The following FAM47E variants were observed in gnomAD, a reference collection of about 807,000 sequenced individuals.
The protein encoded by FAM47E is family with sequence similarity 47 member E.
A neutral mutation model predicts 41.6 loss-of-function variants in FAM47E; 32 were observed. That is an observed-to-expected ratio of 0.77 (90% CI 0.58 to 1.03). The LOEUF (loss-of-function observed/expected upper bound fraction) is 1.03. Ranked by LOEUF, FAM47E falls within the 50% of genes least tolerant of loss-of-function variation. The pLI, the probability that FAM47E is intolerant of heterozygous loss-of-function variation, is 0.00. For missense variants in FAM47E, 424 were observed against 485.4 expected, an observed-to-expected ratio of 0.87 and a Z score of 1.19; for synonymous variants, 184 against 188.7, an observed-to-expected ratio of 0.98 and a Z score of 0.20.
chr4:76,251,147 G>C (rs1297787771), upstream of FAM47E, among the ~76,000 whole-genome samples: 1 of 152,080 alleles, frequency 6.6e-6, no homozygotes, highest in South Asian at 2.1e-4. Flanking sequence ...TGCCTACCAG[G>C]GTCAGCTGGA....
chr4:76,219,832 C>T (rs1054891786), intron 2 of FAM47E, among the ~76,000 whole-genome samples: 1 of 152,160 alleles, frequency 6.6e-6, no homozygotes, highest in East Asian at 1.9e-4. Context: ...AACCACTGCA[C>T]TCACCACATA....
At chr4:76,274,389 T>G (rs565823430) in intron 5 of FAM47E, among the ~76,000 whole-genome samples, 5 of 151,122 alleles carry the variant, frequency 3.3e-5, no homozygotes, top group African/African-American at 1.2e-4. Flanking sequence ...TCGGGCAACA[T>G]AGTGAGACCC....
intron 2 of FAM47E, among the ~76,000 whole-genome samples, chr4:76,246,444 C>T (rs1442135476): frequency 6.6e-6 from 1 of 151,942 alleles, no homozygotes; most frequent in Non-Finnish European, 1.5e-5. Flanking sequence ...TTTAGGGTGC[C>T]CTAGGGCTCC....
intron 3 of FAM47E, among the ~76,000 whole-genome samples, chr4:76,264,754 C>T (rs1422305265): frequency 4.6e-5 from 7 of 152,148 alleles, no homozygotes; most frequent in Non-Finnish European, 8.8e-5. Flanking sequence ...CACCACCACA[C>T]CTGGCTAATC....
chr4:76,229,097 ATTCT>A (rs1190378636), intron 2 of FAM47E, among the ~76,000 whole-genome samples: 1 of 151,994 alleles, frequency 6.6e-6, no homozygotes, highest in Non-Finnish European at 1.5e-5. Context: ...AAGCTCTGAA[ATTCT>A]TTCTTCTACT....
intron 2 of FAM47E, among the ~76,000 whole-genome samples, chr4:76,223,259 A>G (rs146781800): frequency 1.3e-5 from 2 of 152,208 alleles, no homozygotes; most frequent in Non-Finnish European, 2.9e-5. Context: ...CTCCAAACAC[A>G]TACAGTGCTT....
intron 2 of FAM47E, among the ~76,000 whole-genome samples, chr4:76,225,344 G>C (rs1009777453): frequency 3.9e-5 from 6 of 152,192 alleles, no homozygotes; most frequent in Non-Finnish European, 4.4e-5. Flanking sequence ...TCAGCGAACA[G>C]TGACAGTTTG....
Position 76,256,230 on chromosome 4 carries a change from C to A in FAM47E, c.127C>A (p.Arg43=). The change falls in exon 2 of 8, where the codon CGG becomes AGG. Residue 43 remains arginine, a synonymous_variant. Coordinates refer to ENST00000424749, the MANE Select transcript of FAM47E (RefSeq NM_001136570.3). The part of the protein sequence containing the change: ...GLKFPTSLHS[R]QLVFPRKGLD... ...GAAGTTCCCCACCTCTCTGCACAGC[C>A]GGCAGTTGGTATTTCCAAGAAAGGG... 4 of 1,551,680 alleles carry A rather than the reference C, an allele frequency of 2.6e-6. No individual in the cohort carries two copies. The highest frequency in any genetic ancestry group is 3.5e-6 in the Non-Finnish European group (4 of 1,147,004).
At chr4:76,271,170 GCTGACTAAAACCGC>G (rs1432864669) in intron 4 of FAM47E, among the ~76,000 whole-genome samples, 1 of 152,232 alleles carries the variant, frequency 6.6e-6, no homozygotes, top group Non-Finnish European at 1.5e-5. Flanking sequence ...ACAGAATGCG[GCTGACTAAAACCGC>G]CTCCTTCAGC....
At chr4:76,275,670 G>A (rs1227801041) in intron 5 of FAM47E, among the ~76,000 whole-genome samples, 1 of 152,136 alleles carries the variant, frequency 6.6e-6, no homozygotes, top group Non-Finnish European at 1.5e-5. Context: ...AGCACGGGGT[G>A]AGGGCATGTT....
intron 2 of FAM47E, among the ~76,000 whole-genome samples, chr4:76,243,973 A>G (rs1733765610): frequency 6.6e-6 from 1 of 152,130 alleles, no homozygotes; most frequent in African/African-American, 2.4e-5. Context: ...ACTCCCACTT[A>G]TGAGTGAGAA....
intron 1 of FAM47E, among the ~76,000 whole-genome samples, chr4:76,216,088 C>A (rs113564938): frequency 6.6e-6 from 1 of 152,136 alleles, no homozygotes; most frequent in Non-Finnish European, 1.5e-5. Flanking sequence ...CTGTCCCCAG[C>A]CTGATGGGTG....
chr4:76,237,382 T>A (rs1241942282), intron 2 of FAM47E, among the ~76,000 whole-genome samples: 32 of 151,368 alleles, frequency 2.1e-4, no homozygotes, highest in Non-Finnish European at 4.1e-4. Flanking sequence ...TGTTTGTTTT[T>A]TTTTTGGTTT....
At chr4:76,235,257 G>T (rs1733566506) in intron 2 of FAM47E, among the ~76,000 whole-genome samples, 1 of 152,196 alleles carries the variant, frequency 6.6e-6, no homozygotes, top group Admixed American at 6.5e-5. Flanking sequence ...GGCGGAGCTT[G>T]CAGTGAGCCG....
chr4:76,280,218 G>T (rs947164366), intron 6 of FAM47E, 46 bp from the exon 7 acceptor site: 1 of 1,156,152 alleles, frequency 8.6e-7, no homozygotes, highest in Non-Finnish European at 1.3e-6. Context: ...ATGAAATCAA[G>T]CTTCTGATGG....
intron 4 of FAM47E, among the ~76,000 whole-genome samples, chr4:76,270,910 T>A (rs13151765): frequency 6.6e-6 from 1 of 151,960 alleles, no homozygotes. Context: ...TCCCTTTATG[T>A]CCCTGATTCT....
intron 2 of FAM47E, among the ~76,000 whole-genome samples, chr4:76,226,065 G>T (rs1449369275): frequency 1.3e-5 from 2 of 152,058 alleles, no homozygotes; most frequent in African/African-American, 2.4e-5. Context: ...TTGTTGGGGT[G>T]ATCAGACTCA....
chr4:76,275,746 A>G (rs1263139174), intron 5 of FAM47E, among the ~76,000 whole-genome samples: 2 of 152,226 alleles, frequency 1.3e-5, no homozygotes, highest in African/African-American at 4.8e-5. Flanking sequence ...TTACCCAACA[A>G]CATAACATAT....
Position 76,277,141 on chromosome 4 carries a change from A to G in FAM47E, c.871-928A>G, listed in dbSNP as rs575858070. Reference sequence around the variant, plus strand: ...GATGTGCTACTGAGGAATCGGGGAAAGAAGGGAATGAGATATGTTCATCGT... The same window carrying G: ...GATGTGCTACTGAGGAATCGGGGAAGGAAGGGAATGAGATATGTTCATCGT... On this transcript the variant is annotated intron_variant, in intron 5 of 7. Coordinates refer to ENST00000424749, the MANE Select transcript of FAM47E (RefSeq NM_001136570.3). Among the ~76,000 whole-genome samples the G allele has an allele frequency of 5.3e-5, 8 of 152,186 alleles. 1 individual carries two copies. Among genetic ancestry groups the G allele is most frequent in the Admixed American group, 5.2e-4 (8 of 15,284 alleles).
Sources: allele counts gnomAD v4.1 joint callset (sites outside exome capture counted in the v4.1 genomes callset), GRCh38; gene constraint gnomAD v4.1.1; transcripts MANE v1.5; gene names NCBI Gene and HGNC (gene_info 2026-07-23, HGNC 2026-07-21).